The following INTS7 variants were observed in gnomAD, a reference collection of about 807,000 sequenced individuals.
INTS7 encodes the protein integrator complex subunit 7, also known as chromosome 1 open reading frame 73.
In INTS7, 46 loss-of-function variants were observed where a neutral mutation model predicts 109.2. The ratio of observed to expected loss-of-function variants is 0.42; its 90% confidence interval spans 0.33 to 0.54. The LOEUF (loss-of-function observed/expected upper bound fraction) is 0.54. Among genes scored for constraint, INTS7 ranks in the 20% least tolerant of loss-of-function variants. The pLI is 0.07. For synonymous variants in INTS7, 412 were observed against 402.9 expected (o/e 1.02, Z -0.27); for missense variants, 929 against 1,132.4 (o/e 0.82, Z 2.58).
In INTS7 at chr1:211,942,988, TATC is replaced by T. The variant is rs773788564; in HGVS notation, c.2602-880_2602-878del. On this transcript the variant is annotated intron_variant, in intron 19 of 19. Coordinates refer to ENST00000366994, the MANE Select transcript of INTS7 (RefSeq NM_015434.4). The surrounding 1 kb of genome is among the most constrained non-coding windows in gnomAD (Gnocchi z 4.2). ...GCAGCTTTGTGTCTCAAGGAGCAGTTATCATGTCACTTTTCCAGAGACATTTAC... is the reference window on the plus strand; with the variant it reads ...GCAGCTTTGTGTCTCAAGGAGCAGTTATGTCACTTTTCCAGAGACATTTAC... Among the ~76,000 whole-genome samples the T allele has an allele frequency of 1.5e-4, 23 of 152,162 alleles. No individual in the cohort carries two copies. Among genetic ancestry groups the T allele is most frequent in the Non-Finnish European group, 2.2e-4 (15 of 68,034 alleles).
In INTS7 at chr1:212,008,524, G is replaced by A. The variant is rs529893745; in HGVS notation, c.557-1075C>T. Among the ~76,000 whole-genome samples, 10 of 152,190 alleles carry A rather than the reference G, an allele frequency of 6.6e-5. No individual in the cohort carries two copies. The East Asian group carries it at 1.9e-3, about 29-fold the overall frequency. ...TTCTCATTCTATGTGTTTTCCCTGA[G>A]TGAGCTGATATAATCCCATGGTTTC... On this transcript the variant is annotated intron_variant, in intron 5 of 19. Coordinates refer to ENST00000366994, the MANE Select transcript of INTS7 (RefSeq NM_015434.4).
chr1:211,986,832 G>C (rs1431407706), intron 8 of INTS7, among the ~76,000 whole-genome samples: 1 of 152,102 alleles, frequency 6.6e-6, no homozygotes, highest in East Asian at 1.9e-4. Flanking sequence ...GGAGTATCAG[G>C]TCTTTTTAGC....
chr1:212,019,177 G>A (rs1268893117), intron 3 of INTS7, among the ~76,000 whole-genome samples: 1 of 152,138 alleles, frequency 6.6e-6, no homozygotes, highest in Non-Finnish European at 1.5e-5. Flanking sequence ...CCTGAACCCA[G>A]GAGACAGAGG....
At chr1:212,024,374 C>G (rs940713010) in intron 1 of INTS7, among the ~76,000 whole-genome samples, 4 of 152,034 alleles carry the variant, frequency 2.6e-5, no homozygotes, top group Admixed American at 2.6e-4. Context: ...ACCTAAGATT[C>G]CTTTTGGTAG....
chr1:211,954,289 G>GA (rs1663255030), intron 16 of INTS7, among the ~76,000 whole-genome samples: 2 of 151,842 alleles, frequency 1.3e-5, no homozygotes, highest in Non-Finnish European at 2.9e-5. Context: ...GTAGATTCTG[G>GA]ATATTAGCCC....
intron 1 of INTS7, 92 bp downstream of exon 1, chr1:212,035,252 C>A: frequency 1.2e-6 from 1 of 851,168 alleles, no homozygotes; most frequent in Admixed American, 1.9e-5. Context: ...CATGCGCATG[C>A]GCCTATCCGT....
At chr1:211,963,236 T>C (rs1663721712) in intron 16 of INTS7, among the ~76,000 whole-genome samples, 1 of 152,020 alleles carries the variant, frequency 6.6e-6, no homozygotes, top group Non-Finnish European at 1.5e-5. Flanking sequence ...CTAGAAAATC[T>C]AGAAGGAATG....
At chr1:211,972,982 A>C (rs1664249265) in intron 13 of INTS7, among the ~76,000 whole-genome samples, 1 of 152,040 alleles carries the variant, frequency 6.6e-6, no homozygotes, top group African/African-American at 2.4e-5. Context: ...CTTTTTTTTG[A>C]GACAGAGTCT....
At chr1:211,947,247 A>G (rs556631879) in intron 17 of INTS7, among the ~76,000 whole-genome samples, 2 of 152,220 alleles carry the variant, frequency 1.3e-5, no homozygotes, top group East Asian at 1.9e-4. Context: ...CTCTAATAAA[A>G]TATCTTATTT....
chr1:211,996,856 C>A (rs1665414680), intron 7 of INTS7, among the ~76,000 whole-genome samples: 1 of 151,966 alleles, frequency 6.6e-6, no homozygotes, highest in African/African-American at 2.4e-5. Flanking sequence ...GAGATCTCAC[C>A]TCTACAAAAA....
chr1:211,961,384 G>A (rs1663624269), intron 16 of INTS7, among the ~76,000 whole-genome samples: 1 of 151,258 alleles, frequency 6.6e-6, no homozygotes, highest in Admixed American at 6.6e-5. Context: ...ACCCCTTTGA[G>A]CAGAAACCCT....
chr1:211,963,692 CA>C (rs2102404030), intron 16 of INTS7, among the ~76,000 whole-genome samples: 2 of 152,188 alleles, frequency 1.3e-5, no homozygotes, highest in South Asian at 4.1e-4. Flanking sequence ...ACATCCAAAT[CA>C]ATAAATGTGA....
At chr1:212,018,949 AC>A (rs1245500638) in intron 3 of INTS7, among the ~76,000 whole-genome samples, 1 of 152,222 alleles carries the variant, frequency 6.6e-6, no homozygotes, top group African/African-American at 2.4e-5. Flanking sequence ...GGGTAAAAAT[AC>A]CTTAAATTTA....
chr1:211,961,619 G>C (rs1224662081), intron 16 of INTS7, among the ~76,000 whole-genome samples: 1 of 151,870 alleles, frequency 6.6e-6, no homozygotes, highest in Non-Finnish European at 1.5e-5. Context: ...AGTAGAGACG[G>C]GGTTTTACCA....
At chr1:211,961,350 G>T (rs988334606) in intron 16 of INTS7, among the ~76,000 whole-genome samples, 3 of 151,526 alleles carry the variant, frequency 2.0e-5, no homozygotes, top group African/African-American at 7.3e-5. Context: ...CCTACAAAGG[G>T]AAGTCCATCA....
At chr1:211,993,596 C>T (rs1344131627) in intron 7 of INTS7, among the ~76,000 whole-genome samples, 1 of 149,228 alleles carries the variant, frequency 6.7e-6, no homozygotes, top group South Asian at 2.2e-4. Flanking sequence ...AGGAGAATCG[C>T]TTGAACCCAG....
rs750327226 is a variant in INTS7, at chr1:211,944,910, C to T, written c.2475G>A (p.Gln825=). The T allele has an allele frequency of 6.2e-7, 1 of 1,614,200 alleles. No homozygotes were observed. Among genetic ancestry groups the T allele is most frequent in the East Asian group, 2.2e-5 (1 of 44,886 alleles). Residue 825 remains glutamine (Q), a synonymous_variant, in exon 19 of 20, where the codon CAG becomes CAA. Transcript: ENST00000366994. ...PAEPIAVQNN[Q]QLALKVEGVV... is the part of the protein sequence containing the mutation. ...CTCCCTCTACCTTTAGCGCCAGCTG[C>T]TGGTTATTCTGGACAGCAATGGGCT...
At chr1:212,015,113 GCC>G (rs1666359748) in intron 4 of INTS7, among the ~76,000 whole-genome samples, 1 of 149,636 alleles carries the variant, frequency 6.7e-6, no homozygotes, top group African/African-American at 2.6e-5. Flanking sequence ...CCGGGCAGCC[GCC>G]CCGTCCGGGA....
chr1:211,998,054 C>T (rs1665489757), intron 7 of INTS7, among the ~76,000 whole-genome samples: 1 of 152,130 alleles, frequency 6.6e-6, no homozygotes, highest in Admixed American at 6.5e-5. Context: ...GAACTCTTGG[C>T]CTCAAGCGAT....
Sources: gnomAD v4.1 joint callset for allele counts (sites outside exome capture counted in the v4.1 genomes callset) on GRCh38, gnomAD v4.1.1 for gene constraint, Gnocchi (gnomAD v3.1) non-coding constraint, MANE v1.5 for transcripts, NCBI Gene and HGNC (gene_info 2026-07-23, HGNC 2026-07-21) for gene names.